The following KIF5C variants were observed in gnomAD, a reference collection of about 807,000 sequenced individuals.
The protein encoded by KIF5C is kinesin heavy chain isoform 5C.
KIF5C carries 18 observed loss-of-function variants against 125.2 expected under a neutral mutation model. The observed-to-expected ratio is 0.14, with a 90% CI of 0.10 to 0.21. KIF5C has a LOEUF of 0.21. Among genes scored for constraint, KIF5C ranks in the 10% least tolerant of loss-of-function variants. KIF5C has a pLI of 1.00. For missense variants in KIF5C, 780 were observed against 1,183.8 expected, an observed-to-expected ratio of 0.66 and a Z score of 5.01; for synonymous variants, 405 against 434.0, an observed-to-expected ratio of 0.93 and a Z score of 0.83.
intron 7 of KIF5C, among the ~76,000 whole-genome samples, chr2:148,943,550 T>C (rs1022534353): frequency 2.6e-5 from 4 of 152,194 alleles, no homozygotes; most frequent in African/African-American, 9.7e-5. Context: ...GTGTTGAAGG[T>C]GCTGACACTA....
Position 148,973,398 on chromosome 2 carries a change from G to A in KIF5C, c.1180G>A (p.Asp394Asn). The change falls in exon 12 of 26, where the codon GAT (aspartate) becomes AAT (asparagine). Residue 394 changes from aspartate (D) to asparagine (N), a missense_variant. Physicochemically the swap from Asp to Asn is conservative, Grantham distance 23. Around this residue, in one of 2 missense-constraint regions of KIF5C, gnomAD observed 573 missense variants for 742.6 expected, o/e 0.77. Coordinates refer to ENST00000435030, the MANE Select transcript of KIF5C (RefSeq NM_004522.3). ...AKDQKNLEPCDNTPIIDNIAP... is the reference protein window; with the variant it reads ...AKDQKNLEPCNNTPIIDNIAP... ...GGACCAGAAGAACCTGGAGCCTTGT[G>A]ATAACACCCCCATCATAGACAATAT... 1 of 1,613,776 alleles carries A rather than the reference G, an allele frequency of 6.2e-7. No individual in the cohort carries two copies. The highest frequency in any genetic ancestry group is 8.5e-7 in the Non-Finnish European group (1 of 1,179,720).
intron 25 of KIF5C, among the ~76,000 whole-genome samples, chr2:149,017,776 A>G (rs1371307451): frequency 1.3e-5 from 2 of 152,226 alleles, no homozygotes; most frequent in Non-Finnish European, 2.9e-5. Context: ...TACAATTTGC[A>G]CATTGTAAAC....
chr2:148,961,645 G>A (rs537117833), intron 10 of KIF5C, among the ~76,000 whole-genome samples: 10 of 152,254 alleles, frequency 6.6e-5, no homozygotes, highest in Admixed American at 2.0e-4. Flanking sequence ...ATTTGAAAAA[G>A]GCTGTAACCA....
chr2:148,939,268 G>A (rs547301825), intron 4 of KIF5C, among the ~76,000 whole-genome samples: 1 of 152,258 alleles, frequency 6.6e-6, no homozygotes, highest in Non-Finnish European at 1.5e-5. Context: ...ATAAAAAGAA[G>A]GCACCAACTG....
intron 8 of KIF5C, 103 bp from the exon 9 acceptor site, chr2:148,949,736 C>T (rs1682612680): frequency 5.6e-6 from 8 of 1,439,120 alleles, no homozygotes; most frequent in Non-Finnish European, 7.4e-6. Flanking sequence ...TTTTTCCTTG[C>T]TTTCCAGGAG....
In KIF5C at chr2:148,875,566, C is replaced by T. The variant is rs1452287267; in HGVS notation, c.-52C>T. 2.3e-6 allele frequency: 2 copies of T among 888,832 alleles called. No individual in the cohort carries two copies. Among genetic ancestry groups the T allele is most frequent in the African/African-American group, 1.7e-5 (1 of 60,004 alleles). The allele number at this position is 888,832 out of a possible 1,614,324, so 55.1% of individuals were successfully genotyped here. On this transcript the variant is annotated 5_prime_UTR_variant, in exon 1 of 26. Coordinates refer to ENST00000435030, the MANE Select transcript of KIF5C (RefSeq NM_004522.3). ...CTCGCGGCCTCCTCCCTCGTCGTTC[C>T]CGGCCCCGGCCCCCCACCCATCCCC...
chr2:148,918,494 G>C (rs1351205777), intron 1 of KIF5C, among the ~76,000 whole-genome samples: 1 of 152,176 alleles, frequency 6.6e-6, no homozygotes, highest in African/African-American at 2.4e-5. Context: ...ACCTGGGTGG[G>C]GTTGGGGCTC....
intron 1 of KIF5C, among the ~76,000 whole-genome samples, chr2:148,913,558 C>G (rs1018933267): frequency 6.6e-6 from 1 of 152,204 alleles, no homozygotes; most frequent in African/African-American, 2.4e-5. Flanking sequence ...ATGCATCATA[C>G]TTAGCCAAGT....
At chr2:148,942,540 G>C in intron 6 of KIF5C, 133 bp from the exon 7 acceptor site, 1 of 1,444,096 alleles carries the variant, frequency 6.9e-7, no homozygotes, top group African/African-American at 1.4e-5. Context: ...AGGAGGAAAA[G>C]TTGTTGGATC....
At position 148,907,261 on chromosome 2, in the gene KIF5C, A is replaced by C. The variant is rs75818355; in HGVS notation, c.127-14876A>C. On this transcript the variant is annotated intron_variant, in intron 1 of 25. Coordinates refer to ENST00000435030, the MANE Select transcript of KIF5C (RefSeq NM_004522.3). ...GTGGCTGACTGGCCATGTGGGGGGA[A>C]GTGACGTCACCTCCACCTGTGTCAC... Among the ~76,000 whole-genome samples, 283 of 152,314 alleles carry C rather than the reference A, an allele frequency of 1.9e-3. 2 individuals are homozygous for C. Among genetic ancestry groups the C allele is most frequent in the African/African-American group, 6.7e-3 (279 of 41,574 alleles).
intron 1 of KIF5C, among the ~76,000 whole-genome samples, chr2:148,914,573 G>T (rs990772433): frequency 2.6e-5 from 4 of 152,250 alleles, no homozygotes; most frequent in African/African-American, 9.6e-5. Context: ...ATTCATTCTT[G>T]TGTGTTGCCT....
intron 9 of KIF5C, 116 bp downstream of exon 9, chr2:148,950,059 A>G (rs1250577535): frequency 2.8e-6 from 4 of 1,440,056 alleles, no homozygotes; most frequent in Non-Finnish European, 3.7e-6. Flanking sequence ...TTGGAAGAGG[A>G]CAGAGGGAAT....
chr2:148,952,051 T>C (rs929594392), intron 10 of KIF5C, among the ~76,000 whole-genome samples: 1 of 152,180 alleles, frequency 6.6e-6, no homozygotes, highest in Non-Finnish European at 1.5e-5. Context: ...TCCTCCCAAA[T>C]CGCTTCCTTG....
At chr2:148,891,924 C>T (rs1173513083) in intron 1 of KIF5C, among the ~76,000 whole-genome samples, 1 of 152,184 alleles carries the variant, frequency 6.6e-6, no homozygotes, top group Non-Finnish European at 1.5e-5. Flanking sequence ...TCTCAAACTC[C>T]TGATCTCAGG....
intron 25 of KIF5C, among the ~76,000 whole-genome samples, chr2:149,018,393 G>A (rs188538782): frequency 6.6e-6 from 1 of 152,348 alleles, no homozygotes; most frequent in East Asian, 1.9e-4. Context: ...ACCTGATCCT[G>A]TCTCCTCATT....
chr2:148,984,158 C>T (rs1243578384), intron 15 of KIF5C, among the ~76,000 whole-genome samples: 1 of 152,196 alleles, frequency 6.6e-6, no homozygotes, highest in Non-Finnish European at 1.5e-5. Flanking sequence ...AGTGAAAATT[C>T]TCCAAGTCAG....
intron 2 of KIF5C, among the ~76,000 whole-genome samples, chr2:148,925,254 T>G (rs1289113061): frequency 6.6e-6 from 1 of 152,106 alleles, no homozygotes; most frequent in East Asian, 1.9e-4. Flanking sequence ...CAGAGTGGCA[T>G]TATGGGAGAT....
chr2:148,892,541 A>G (rs975787964), intron 1 of KIF5C, among the ~76,000 whole-genome samples: 1 of 152,230 alleles, frequency 6.6e-6, no homozygotes, highest in Non-Finnish European at 1.5e-5. Flanking sequence ...ATCTCAAATT[A>G]TGTATGAAGT....
At chr2:148,975,372 G>T (rs1349269874) in intron 12 of KIF5C, among the ~76,000 whole-genome samples, 1 of 152,152 alleles carries the variant, frequency 6.6e-6, no homozygotes, top group Non-Finnish European at 1.5e-5. Context: ...CATGAGGTGG[G>T]ATATGGCACC....
Sources: allele counts gnomAD v4.1 joint callset (sites outside exome capture counted in the v4.1 genomes callset), GRCh38; gene constraint gnomAD v4.1.1; regional missense constraint gnomAD v4.1.1; transcripts MANE v1.5; gene names NCBI Gene and HGNC (gene_info 2026-07-23, HGNC 2026-07-21).